Variants in COL22A1 observed in about 807,000 individuals in gnomAD.
COL22A1 encodes collagen alpha-1(XXII) chain.
A neutral mutation model predicts 248.9 loss-of-function variants in COL22A1; 221 were observed. The observed-to-expected ratio is 0.89, with a 90% CI of 0.80 to 0.99. The LOEUF (loss-of-function observed/expected upper bound fraction) is 0.99, where lower values mean the gene tolerates loss of function less well. Ranked by LOEUF, COL22A1 falls within the 50% of genes least tolerant of loss-of-function variation. COL22A1 has a pLI of 0.00. For synonymous variants in COL22A1, 891 were observed against 793.4 expected, an observed-to-expected ratio of 1.12 and a Z score of -2.07; for missense variants, 2,240 against 2,179.0, an observed-to-expected ratio of 1.03 and a Z score of -0.56.
chr8:138,690,281 GA>G (rs1169652201), intron 36 of COL22A1, among the ~76,000 whole-genome samples: 1 of 152,192 alleles, frequency 6.6e-6, no homozygotes, highest in Non-Finnish European at 1.5e-5. Context: ...TGTTTATGGT[GA>G]ATCTTAAAGC....
intron 4 of COL22A1, 46 bp from the exon 5 acceptor site, chr8:138,833,196 A>G: frequency 7.3e-7 from 1 of 1,366,768 alleles, no homozygotes; most frequent in Non-Finnish European, 1.0e-6. Context: ...AAGGAAGAGT[A>G]TAAGAGACAA....
chr8:138,713,630 G>C (rs1829201214), intron 30 of COL22A1, among the ~76,000 whole-genome samples: 1 of 152,036 alleles, frequency 6.6e-6, no homozygotes, highest in Admixed American at 6.6e-5. Context: ...GACAAATTCT[G>C]ACCAAATCAT....
In COL22A1 at chr8:138,755,511, C is replaced by T. The variant is rs148212975; in HGVS notation, c.1948G>A (p.Val650Met). ...AGPPGVPGSVVQQEGLKGEQG... is the reference protein window; with the variant it reads ...AGPPGVPGSVMQQEGLKGEQG... ...TCCCCTTTCAAGCCCTCTTGCTGCA[C>T]CTGAGAGACAAAGCAAGCATTAGCA... Residue 650 changes from valine to methionine, a missense_variant and splice_region_variant, in exon 20 of 65, where the codon GTG becomes ATG. Transcript: ENST00000303045. 5.6e-6 allele frequency: 9 copies of T among 1,613,948 alleles called. No individual in the cohort carries two copies. Among genetic ancestry groups the T allele is most frequent in the Non-Finnish European group, 6.8e-6 (8 of 1,179,974 alleles).
chr8:138,754,781 T>G (rs1033037642), intron 21 of COL22A1, among the ~76,000 whole-genome samples: 2 of 152,222 alleles, frequency 1.3e-5, no homozygotes, highest in Non-Finnish European at 2.9e-5. Flanking sequence ...AGTGAGTGCG[T>G]TGGAAGTGAT....
intron 3 of COL22A1, among the ~76,000 whole-genome samples, chr8:138,852,818 G>A (rs1821743040): frequency 6.6e-6 from 1 of 151,966 alleles, no homozygotes; most frequent in African/African-American, 2.4e-5. Flanking sequence ...GCAGGGAGCA[G>A]TCCAAGGCAC....
At chr8:138,789,811 T>C (rs995780421) in intron 12 of COL22A1, among the ~76,000 whole-genome samples, 4 of 152,212 alleles carry the variant, frequency 2.6e-5, no homozygotes, top group Non-Finnish European at 5.9e-5. Context: ...AAAGGAAGTC[T>C]CAGAGGCTGA....
Position 138,784,857 on chromosome 8 carries a change from A to T in COL22A1, c.1597-3877T>A, listed in dbSNP as rs530784945. 7.2e-5 allele frequency among the ~76,000 whole-genome samples: 11 copies of T among 152,290 alleles called. No homozygotes were observed. In the South Asian group the frequency reaches 2.3e-3, roughly 32 times the overall value. The stretch of plus-strand genomic sequence containing the variant: ...TAATCAGCTGATTAGATTAGATTTA[A>T]TCTGCCCAAAGTTACAGTGCTTATA... On this transcript the variant is annotated intron_variant, in intron 12 of 64. Coordinates refer to ENST00000303045, the MANE Select transcript of COL22A1 (RefSeq NM_152888.3).
intron 3 of COL22A1, 135 bp from the exon 4 acceptor site, chr8:138,844,293 G>T: frequency 1.3e-6 from 1 of 774,466 alleles, no homozygotes. Context: ...AGATGCAGAG[G>T]CAGCTGGCAT....
chr8:138,813,398 C>G (rs111774079), intron 7 of COL22A1, among the ~76,000 whole-genome samples: 2 of 152,246 alleles, frequency 1.3e-5, no homozygotes, highest in African/African-American at 2.4e-5. Context: ...AGGGGTTTCC[C>G]CTTTTTCTTG....
At chr8:138,592,430 C>A (rs10096258) in intron 63 of COL22A1, among the ~76,000 whole-genome samples, 1 of 152,044 alleles carries the variant, frequency 6.6e-6, no homozygotes, top group African/African-American at 2.4e-5. Flanking sequence ...TTATAATAAT[C>A]GTGTTTGGTC....
At chr8:138,886,455 G>A (rs1350732029) in intron 1 of COL22A1, among the ~76,000 whole-genome samples, 12 of 152,146 alleles carry the variant, frequency 7.9e-5, no homozygotes, top group Admixed American at 7.9e-4. Flanking sequence ...GAAAAAAAAG[G>A]AAAGAAAGAA....
At chr8:138,610,142 C>T (rs1818744472) in intron 56 of COL22A1, among the ~76,000 whole-genome samples, 1 of 152,206 alleles carries the variant, frequency 6.6e-6, no homozygotes, top group African/African-American at 2.4e-5. Flanking sequence ...GGGCAAGTTA[C>T]TAGACTTCTC....
chr8:138,843,065 G>A (rs1563834188), intron 4 of COL22A1, among the ~76,000 whole-genome samples: 1 of 152,168 alleles, frequency 6.6e-6, no homozygotes. Flanking sequence ...AGGAGCAGTA[G>A]AGCCGGGTGC....
chr8:138,852,008 T>C (rs1369085550), intron 3 of COL22A1, among the ~76,000 whole-genome samples: 1 of 151,718 alleles, frequency 6.6e-6, no homozygotes. Flanking sequence ...ATGTCTCTAC[T>C]TGGGGAAGGG....
intron 44 of COL22A1, among the ~76,000 whole-genome samples, chr8:138,658,859 C>A (rs1042561300): frequency 1.3e-5 from 2 of 151,126 alleles, no homozygotes; most frequent in African/African-American, 4.9e-5. Context: ...TTCAGTTAAT[C>A]TAACAGATCT....
intron 59 of COL22A1, among the ~76,000 whole-genome samples, chr8:138,603,756 G>A (rs963030903): frequency 4.6e-5 from 7 of 152,140 alleles, no homozygotes; most frequent in African/African-American, 9.7e-5. Flanking sequence ...AACACTTTCC[G>A]AATATGAAGC....
intron 12 of COL22A1, among the ~76,000 whole-genome samples, chr8:138,791,415 A>C (rs1056131214): frequency 6.6e-6 from 1 of 152,230 alleles, no homozygotes; most frequent in Non-Finnish European, 1.5e-5. Flanking sequence ...CCATCTGCCA[A>C]GTAACACAGA....
At chr8:138,681,028 G>GCCTCCCCCACTTCCCCTAGGCTT (rs1204527849) in intron 39 of COL22A1, among the ~76,000 whole-genome samples, 1 of 152,134 alleles carries the variant, frequency 6.6e-6, no homozygotes, top group Non-Finnish European at 1.5e-5. Flanking sequence ...CTTTAATGCT[G>GCCTCCCCCACTTCCCCTAGGCTT]CCTCCCCCAC....
At chr8:138,647,177 G>A (rs1304170162) in intron 46 of COL22A1, among the ~76,000 whole-genome samples, 1 of 152,090 alleles carries the variant, frequency 6.6e-6, no homozygotes, top group African/African-American at 2.4e-5. Context: ...AAGCAGCTCT[G>A]CAGAGAGGCC....
Sources: allele counts gnomAD v4.1 joint callset (sites outside exome capture counted in the v4.1 genomes callset), GRCh38; gene constraint gnomAD v4.1.1; transcripts MANE v1.5; gene names NCBI Gene and HGNC (gene_info 2026-07-23, HGNC 2026-07-21).